PLCL1: variants seen among roughly 807,000 people sequenced by gnomAD.
The protein encoded by PLCL1 is inactive phospholipase C-like protein 1.
Under a neutral mutation model 84.4 loss-of-function variants are expected in PLCL1, and 41 were observed. The observed-to-expected ratio is 0.49, with a 90% confidence interval of 0.38 to 0.63. PLCL1 has a LOEUF of 0.63. Ranked by LOEUF, PLCL1 falls within the 30% of genes least tolerant of loss-of-function variation. The pLI is 0.00. For missense variants in PLCL1, 1,206 were observed against 1,367.8 expected (o/e 0.88, Z 1.87); for synonymous variants, 490 against 488.3 (o/e 1.00, Z -0.05).
chr2:198,067,570 G>A (rs371596575), intron 1 of PLCL1, among the ~76,000 whole-genome samples: 4 of 152,054 alleles, frequency 2.6e-5, no homozygotes, highest in Admixed American at 6.5e-5. Context: ...ATTCCTTCCC[G>A]TAGTGAAGGG....
chr2:197,882,205 G>A (rs562314823), intron 1 of PLCL1, among the ~76,000 whole-genome samples: 65 of 152,078 alleles, frequency 4.3e-4, no homozygotes, highest in Non-Finnish European at 5.9e-4. Context: ...ATATTAAAGG[G>A]CAACTTTATC....
intron 1 of PLCL1, among the ~76,000 whole-genome samples, chr2:197,962,422 C>G (rs1689640575): frequency 6.6e-6 from 1 of 152,028 alleles, no homozygotes; most frequent in Non-Finnish European, 1.5e-5. Context: ...TGTGTGGTAA[C>G]TAACGTAAAC....
intron 1 of PLCL1, among the ~76,000 whole-genome samples, chr2:197,972,454 C>G (rs940149998): frequency 6.6e-6 from 1 of 152,166 alleles, no homozygotes; most frequent in African/African-American, 2.4e-5. Flanking sequence ...AATTACATGT[C>G]TGACAGCATC....
chr2:198,120,398 A>G (rs1693841274), intron 5 of PLCL1, among the ~76,000 whole-genome samples: 1 of 152,014 alleles, frequency 6.6e-6, no homozygotes, highest in African/African-American at 2.4e-5. Flanking sequence ...CTGTTGTGCT[A>G]TCAAATGCTT....
intron 1 of PLCL1, among the ~76,000 whole-genome samples, chr2:197,943,962 G>A (rs1006217012): frequency 6.6e-6 from 1 of 152,152 alleles, no homozygotes; most frequent in Non-Finnish European, 1.5e-5. Flanking sequence ...ATAAGGCACA[G>A]CTGTCACTCT....
At chr2:197,960,951 A>G (rs1224402503) in intron 1 of PLCL1, among the ~76,000 whole-genome samples, 1 of 152,094 alleles carries the variant, frequency 6.6e-6, no homozygotes, top group Non-Finnish European at 1.5e-5. Flanking sequence ...ATAGTATTCG[A>G]TTATAAATTT....
chr2:197,918,971 T>TCTCTCTCTCTCACACA (rs373512508), intron 1 of PLCL1, among the ~76,000 whole-genome samples: 34 of 144,646 alleles, frequency 2.4e-4, no homozygotes, highest in East Asian at 8.4e-4. Flanking sequence ...TCTCTCTCCC[T>TCTCTCTCTCTCACACA]CACACACACA....
intron 1 of PLCL1, among the ~76,000 whole-genome samples, chr2:198,025,801 G>A (rs1691250274): frequency 6.6e-6 from 1 of 152,168 alleles, no homozygotes; most frequent in African/African-American, 2.4e-5. Context: ...AGATCAAAGA[G>A]TGTTTGGAGA....
chr2:197,893,006 C>CA (rs950014607), intron 1 of PLCL1, among the ~76,000 whole-genome samples: 7 of 151,918 alleles, frequency 4.6e-5, no homozygotes, highest in Non-Finnish European at 8.8e-5. Flanking sequence ...CAAAAAACAA[C>CA]AAAAAAACCT....
chr2:198,103,692 T>A (rs2105913759), intron 4 of PLCL1, 135 bp from the exon 5 acceptor site: 1 of 544,782 alleles, frequency 1.8e-6, no homozygotes, highest in East Asian at 3.2e-5. Context: ...ATGAAAAGGA[T>A]AATTCAATTT....
intron 1 of PLCL1, among the ~76,000 whole-genome samples, chr2:197,952,915 T>C (rs1283473343): frequency 6.6e-6 from 1 of 152,116 alleles, no homozygotes; most frequent in Non-Finnish European, 1.5e-5. Flanking sequence ...TGTGAGTTCA[T>C]TAAACCTATT....
chr2:198,136,250 A>G (rs1440085918), intron 5 of PLCL1, among the ~76,000 whole-genome samples: 1 of 152,178 alleles, frequency 6.6e-6, no homozygotes, highest in Non-Finnish European at 1.5e-5. Flanking sequence ...CATGTATGGC[A>G]GGCATTGTTC....
chr2:197,890,476 A>G (rs886421620), intron 1 of PLCL1, among the ~76,000 whole-genome samples: 6 of 152,096 alleles, frequency 3.9e-5, no homozygotes, highest in Non-Finnish European at 8.8e-5. Context: ...AACAGCATTT[A>G]TTCCCTAAGC....
chr2:197,940,860 G>A (rs1220827693), intron 1 of PLCL1, among the ~76,000 whole-genome samples: 1 of 152,022 alleles, frequency 6.6e-6, no homozygotes, highest in African/African-American at 2.4e-5. Flanking sequence ...GAATTTTGTA[G>A]CTTTAATCAA....
chr2:198,080,070 T>C lies in PLCL1; in HGVS notation c.241-3688T>C, dbSNP rs138873747. Reference sequence around the variant, plus strand: ...CTTTGAAATAAGCTGAAAGACCTTGTAGTTTATAAAAATCTCCTGGAAAGA... The same window carrying C: ...CTTTGAAATAAGCTGAAAGACCTTGCAGTTTATAAAAATCTCCTGGAAAGA... On this transcript the variant is annotated intron_variant, in intron 1 of 5. Coordinates refer to ENST00000428675, the MANE Select transcript of PLCL1 (RefSeq NM_006226.4). Among the ~76,000 whole-genome samples, 77 of 152,316 alleles carry C rather than the reference T, an allele frequency of 5.1e-4. 2 individuals are homozygous for C. In the East Asian group the frequency reaches 0.014, roughly 28 times the overall value.
chr2:198,059,873 G>A (rs1023542277), intron 1 of PLCL1, among the ~76,000 whole-genome samples: 6 of 152,266 alleles, frequency 3.9e-5, no homozygotes, highest in African/African-American at 4.8e-5. Context: ...GGGGACAGAG[G>A]GGCTTTGCGC....
chr2:197,804,808 C>T lies in PLCL1; in HGVS notation c.-292C>T, dbSNP rs1690429757. 2 of 332,196 alleles carry T rather than the reference C, an allele frequency of 6.0e-6. No homozygotes were observed. Among genetic ancestry groups the T allele is most frequent in the Non-Finnish European group, 1.1e-5 (2 of 182,818 alleles). 20.6% of individuals were successfully genotyped at this position (332,196 alleles called of 1,614,324 possible). On this transcript the variant is annotated 5_prime_UTR_variant, in exon 1 of 6. Transcript: ENST00000428675. Reference sequence around the variant, plus strand: ...CATCACATTTCGGATACCTCCCTCTCTTTTTCGCCTCTCCTTCTGCCTCCC... The same window carrying T: ...CATCACATTTCGGATACCTCCCTCTTTTTTTCGCCTCTCCTTCTGCCTCCC...
chr2:197,832,647 T>C (rs1272439242), intron 1 of PLCL1, among the ~76,000 whole-genome samples: 2 of 152,202 alleles, frequency 1.3e-5, no homozygotes, highest in African/African-American at 4.8e-5. Flanking sequence ...CCCTAACTCA[T>C]TTTATGAGGC....
intron 1 of PLCL1, among the ~76,000 whole-genome samples, chr2:197,959,468 C>T (rs1689565309): frequency 6.6e-6 from 1 of 151,996 alleles, no homozygotes; most frequent in Admixed American, 6.6e-5. Flanking sequence ...ACCAAGTTGA[C>T]ACATAAAATT....
Sources: gnomAD v4.1 joint callset for allele counts (sites outside exome capture counted in the v4.1 genomes callset) on GRCh38, gnomAD v4.1.1 for gene constraint, MANE v1.5 for transcripts, NCBI Gene and HGNC (gene_info 2026-07-23, HGNC 2026-07-21) for gene names.